Variants in TMEM217 observed in about 807,000 individuals in gnomAD.
The protein encoded by TMEM217 is transmembrane protein 217, also known as chromosome 6 open reading frame 128.
For synonymous variants in TMEM217, 76 were observed against 88.3 expected, an observed-to-expected ratio of 0.86 and a Z score of 0.78; for missense variants, 204 against 248.8, an observed-to-expected ratio of 0.82 and a Z score of 1.21.
At chr6:37,215,308 TA>T (rs775526783), downstream of TMEM217, 285 of 1,607,874 alleles carry the variant, frequency 1.8e-4, 2 homozygotes, top group South Asian at 2.4e-3. Flanking sequence ...AACAAATGAA[TA>T]AAAATTGTTT....
At chr6:37,216,451 T>C (rs1436135156), downstream of TMEM217, among the ~76,000 whole-genome samples, 4 of 151,838 alleles carry the variant, frequency 2.6e-5, no homozygotes, top group African/African-American at 4.8e-5. Context: ...AAGGTGGAGG[T>C]AGGCAGAGCA....
At chr6:37,218,335 A>AT (rs1763331701) in exon 2 of TMEM217, 1 of 1,226,902 alleles carries the variant, frequency 8.2e-7, no homozygotes, top group African/African-American at 1.5e-5. Flanking sequence ...CGCCTGGCTA[A>AT]TTTTCTATTT....
chr6:37,253,954 C>T (rs767741466), intron 1 of TMEM217, among the ~76,000 whole-genome samples: 5 of 152,208 alleles, frequency 3.3e-5, no homozygotes, highest in Non-Finnish European at 7.3e-5. Context: ...TACTTTGCCA[C>T]ATTTTAAGTT....
chr6:37,223,547 C>T (rs189727050), intron 1 of TMEM217, among the ~76,000 whole-genome samples: 123 of 152,304 alleles, frequency 8.1e-4, no homozygotes, highest in African/African-American at 2.8e-3. Context: ...CTTGCTCTGT[C>T]GCCCAGGCTG....
chr6:37,231,583 G>T (rs1425433816), intron 1 of TMEM217, among the ~76,000 whole-genome samples: 1 of 148,806 alleles, frequency 6.7e-6, no homozygotes, highest in Non-Finnish European at 1.5e-5. Flanking sequence ...TGAGGCAGGA[G>T]AATGGCGTGA....
downstream of TMEM217, chr6:37,212,681 C>T (rs796462650): frequency 6.0e-5 from 36 of 603,550 alleles, no homozygotes; most frequent in East Asian, 6.4e-4. Context: ...TTGATGAGCT[C>T]GTAAGTGATG....
intron 1 of TMEM217, among the ~76,000 whole-genome samples, chr6:37,235,843 A>G (rs1232624200): frequency 6.6e-6 from 1 of 152,148 alleles, no homozygotes; most frequent in Non-Finnish European, 1.5e-5. Flanking sequence ...TTTATAAAGC[A>G]CTAACCCATT....
At chr6:37,258,125 A>G, upstream of TMEM217, 1 of 860,686 alleles carries the variant, frequency 1.2e-6, no homozygotes, top group Non-Finnish European at 1.7e-6. Flanking sequence ...GCTGTCAGGC[A>G]GCGAAGCGAA....
chr6:37,212,851 A>T, downstream of TMEM217: 1 of 1,273,570 alleles, frequency 7.9e-7, no homozygotes, highest in Non-Finnish European at 1.1e-6. Flanking sequence ...GTCCACGTAG[A>T]TGCTGAACTT....
chr6:37,221,350 C>T (rs931985896), intron 1 of TMEM217, among the ~76,000 whole-genome samples: 6 of 152,110 alleles, frequency 3.9e-5, no homozygotes, highest in Non-Finnish European at 8.8e-5. Context: ...CCACACCTGG[C>T]TAATTTTTGT....
chr6:37,226,548 C>T (rs1354678552), intron 1 of TMEM217, among the ~76,000 whole-genome samples: 1 of 151,428 alleles, frequency 6.6e-6, no homozygotes, highest in Non-Finnish European at 1.5e-5. Context: ...CCGCCCGCCT[C>T]GGCCACCCAA....
chr6:37,212,709 C>T (rs549289735), downstream of TMEM217: 1 of 643,344 alleles, frequency 1.6e-6, no homozygotes, highest in Non-Finnish European at 2.9e-6. Context: ...TGGCATAGAT[C>T]AGCAGCCCCA....
At chr6:37,218,325 C>T (rs1296996535) in exon 2 of TMEM217, 11 of 1,184,022 alleles carry the variant, frequency 9.3e-6, no homozygotes, top group African/African-American at 4.6e-5. Context: ...TGTGCCGCCA[C>T]GCCTGGCTAA....
chr6:37,218,684 T>A, exon 2 of TMEM217: 1 of 1,614,158 alleles, frequency 6.2e-7, no homozygotes, highest in Non-Finnish European at 8.5e-7. Context: ...AAAGTCATTG[T>A]TGGTGAGGAT....
chr6:37,252,637 A>AT lies in TMEM217; in HGVS notation c.-12+4930dup, dbSNP rs374265453. ...TGTGTGTATATATATATATATATAT[A>AT]TTTTTTTTTTTTTTTTTTTTTTGAC... On this transcript the variant is annotated intron_variant, in intron 1 of 1. Coordinates refer to ENST00000357219, the Ensembl canonical transcript of TMEM217. 5.9e-3 allele frequency among the ~76,000 whole-genome samples: 420 copies of AT among 71,360 alleles called. 3 individuals are homozygous for AT. The highest frequency in any genetic ancestry group is 7.0e-3 in the Non-Finnish European group (250 of 35,610). The allele number at this position is 71,360 out of a possible 152,430, so 46.8% of individuals were successfully genotyped here.
At chr6:37,231,736 A>G (rs924183626) in intron 1 of TMEM217, among the ~76,000 whole-genome samples, 2 of 147,240 alleles carry the variant, frequency 1.4e-5, no homozygotes, top group African/African-American at 4.9e-5. Context: ...TTTTATATAT[A>G]TATTATATAT....
downstream of TMEM217, chr6:37,215,360 AG>A: frequency 6.6e-7 from 1 of 1,505,168 alleles, no homozygotes; most frequent in Non-Finnish European, 8.9e-7. Flanking sequence ...GCGGATCACG[AG>A]GTCAGGAGTT....
At chr6:37,215,241 C>T, downstream of TMEM217, 3 of 1,613,948 alleles carry the variant, frequency 1.9e-6, no homozygotes, top group Non-Finnish European at 1.7e-6. Flanking sequence ...GGGGGCTGAG[C>T]TTGGCACTGG....
At chr6:37,258,127 C>A (rs2113958442), upstream of TMEM217, 1 of 828,756 alleles carries the variant, frequency 1.2e-6, no homozygotes, top group Non-Finnish European at 1.8e-6. Context: ...TGTCAGGCAG[C>A]GAAGCGAACA....
Sources: allele counts gnomAD v4.1 joint callset (sites outside exome capture counted in the v4.1 genomes callset), GRCh38; gene constraint gnomAD v4.1.1; transcripts MANE v1.5; gene names NCBI Gene and HGNC (gene_info 2026-07-23, HGNC 2026-07-21).